NEMP2: variants seen among roughly 807,000 people sequenced by gnomAD.
NEMP2 encodes the protein UPF0571 transmembrane protein.
Under a neutral mutation model 54.2 loss-of-function variants are expected in NEMP2, and 53 were observed. That is an observed-to-expected ratio of 0.98 (90% CI 0.78 to 1.23). The LOEUF (loss-of-function observed/expected upper bound fraction) is 1.23, where lower values mean the gene tolerates loss of function less well. Among genes scored for constraint, NEMP2 ranks in the 50% most tolerant of loss-of-function variants. NEMP2 has a pLI of 0.00. For missense variants in NEMP2, 455 were observed against 511.3 expected (o/e 0.89, Z 1.06); for synonymous variants, 197 against 190.3 (o/e 1.04, Z -0.29).
intron 1 of NEMP2, chr2:190,534,051 G>T (rs1691261816): frequency 1.1e-6 from 1 of 872,624 alleles, no homozygotes; most frequent in Non-Finnish European, 1.3e-6. Context: ...CTCGCTCAAG[G>T]TCACAACAGT....
chr2:190,473,916 C>T, the NEMP2 span, among the ~76,000 whole-genome samples: 1 of 152,150 alleles, frequency 6.6e-6, no homozygotes, highest in Admixed American at 6.5e-5. Flanking sequence ...GAAACTCACT[C>T]AAAACTGCTC....
chr2:190,499,716 A>G, downstream of NEMP2: 1 of 1,140,988 alleles, frequency 8.8e-7, no homozygotes, highest in Admixed American at 2.5e-5. The surrounding 1 kb of genome is among the most constrained non-coding windows in gnomAD (Gnocchi z 6.0). Flanking sequence ...GGCTCAGTAA[A>G]TATTTGCTGA....
At chr2:190,446,443 C>T in the NEMP2 span, among the ~76,000 whole-genome samples, 2 of 152,184 alleles carry the variant, frequency 1.3e-5, no homozygotes, top group Non-Finnish European at 2.9e-5. Context: ...ACTGCTACAG[C>T]TCCCTAGCTT....
chr2:190,462,730 C>T, the NEMP2 span, among the ~76,000 whole-genome samples: 2 of 152,166 alleles, frequency 1.3e-5, no homozygotes, highest in East Asian at 1.9e-4. The surrounding 1 kb of genome is among the most constrained non-coding windows in gnomAD (Gnocchi z 5.7). Context: ...CAGTGGGACT[C>T]TCAAAATCAG....
chr2:190,593,966 C>T, the NEMP2 span, among the ~76,000 whole-genome samples: 1 of 152,206 alleles, frequency 6.6e-6, no homozygotes, highest in Non-Finnish European at 1.5e-5. The surrounding 1 kb of genome is among the most constrained non-coding windows in gnomAD (Gnocchi z 4.5). Context: ...AACTAGGCAA[C>T]ATCACTTCTC....
the NEMP2 span, among the ~76,000 whole-genome samples, chr2:190,450,283 GGAA>G: frequency 1.3e-5 from 2 of 152,130 alleles, no homozygotes; most frequent in East Asian, 3.9e-4. Context: ...AGGATAGTCT[GGAA>G]GAGTGGATAA....
the NEMP2 span, among the ~76,000 whole-genome samples, chr2:190,614,428 A>T: frequency 6.6e-6 from 1 of 152,238 alleles, no homozygotes; most frequent in Non-Finnish European, 1.5e-5. This position sits in a 1 kb window ranked among gnomAD's most constrained non-coding sequence, Gnocchi z 5.7. Flanking sequence ...ACAAGATCCT[A>T]GGAGAGAAAT....
At chr2:190,429,037 T>C in the NEMP2 span, among the ~76,000 whole-genome samples, 2 of 152,124 alleles carry the variant, frequency 1.3e-5, no homozygotes, top group African/African-American at 2.4e-5. Flanking sequence ...TTTTAATGCT[T>C]TCACTGGCGA....
chr2:190,562,057 G>A, the NEMP2 span, among the ~76,000 whole-genome samples: 49 of 152,268 alleles, frequency 3.2e-4, 1 homozygote, highest in Admixed American at 5.9e-4. The surrounding 1 kb of genome is among the most constrained non-coding windows in gnomAD (Gnocchi z 5.0). Flanking sequence ...AAAGGACTTT[G>A]GTAAAAAGGA....
At chr2:190,539,423 G>T (rs1691476800), upstream of NEMP2, among the ~76,000 whole-genome samples, 1 of 151,990 alleles carries the variant, frequency 6.6e-6, no homozygotes, top group African/African-American at 2.4e-5. This position sits in a 1 kb window ranked among gnomAD's most constrained non-coding sequence, Gnocchi z 4.1. Flanking sequence ...GATTGCTCTG[G>T]CTATTTTGAA....
At position 190,521,889 on chromosome 2, in the gene NEMP2, T is replaced by A. The variant is rs1267434269; in HGVS notation, c.214-2706A>T. On this transcript the variant is annotated intron_variant, in intron 2 of 8. Coordinates refer to ENST00000409150, the MANE Select transcript of NEMP2 (RefSeq NM_001142645.2). The surrounding 1 kb of genome is among the most constrained non-coding windows in gnomAD (Gnocchi z 6.2). ...TGCTCCTTCCTTCTCCCTGAACTCT[T>A]AATATAAGACTGACCCAGGCTTAGC... 6.6e-6 allele frequency among the ~76,000 whole-genome samples: 1 copy of A among 152,140 alleles called. No homozygotes were observed. Among genetic ancestry groups the A allele is most frequent in the African/African-American group, 2.4e-5 (1 of 41,422 alleles).
the NEMP2 span, among the ~76,000 whole-genome samples, chr2:190,605,521 C>A: frequency 6.6e-6 from 1 of 151,934 alleles, no homozygotes; most frequent in Non-Finnish European, 1.5e-5. Context: ...ACTACAGGCC[C>A]CCACCACCAC....
chr2:190,549,905 C>T, the NEMP2 span, among the ~76,000 whole-genome samples: 4 of 152,168 alleles, frequency 2.6e-5, no homozygotes, highest in Non-Finnish European at 5.9e-5. Context: ...TTGGTTCTAC[C>T]TGGTTGGTTA....
the NEMP2 span, among the ~76,000 whole-genome samples, chr2:190,606,410 G>GAA: frequency 2.0e-5 from 3 of 152,142 alleles, no homozygotes; most frequent in African/African-American, 7.2e-5. Context: ...TCCTAAGGTT[G>GAA]CTGTGAAAGT....
chr2:190,518,825 A>C lies in NEMP2; in HGVS notation c.446-17T>G, dbSNP rs777908695. On this transcript the variant is annotated splice_polypyrimidine_tract_variant and intron_variant, in intron 3 of 8. Coordinates refer to ENST00000409150, the MANE Select transcript of NEMP2 (RefSeq NM_001142645.2). ...AATCCATGACTGGAGTAAAAAAGAC[A>C]CACAAACACATAACAAAGATTTTTT... 4.6e-6 allele frequency: 7 copies of C among 1,534,124 alleles called. No homozygotes were observed. The African/African-American group carries it at 7.0e-5, about 15-fold the overall frequency.
chr2:190,488,485 C>T, the NEMP2 span, among the ~76,000 whole-genome samples: 1 of 152,186 alleles, frequency 6.6e-6, no homozygotes, highest in Non-Finnish European at 1.5e-5. The surrounding 1 kb of genome is among the most constrained non-coding windows in gnomAD (Gnocchi z 6.4). Context: ...TGTGAGTGTA[C>T]TCAGTGCCAC....
chr2:190,437,989 C>A, the NEMP2 span, among the ~76,000 whole-genome samples: 1 of 151,772 alleles, frequency 6.6e-6, no homozygotes, highest in Non-Finnish European at 1.5e-5. The surrounding 1 kb of genome is among the most constrained non-coding windows in gnomAD (Gnocchi z 5.9). Context: ...CACTTGCTGA[C>A]ATAGATAGAG....
At chr2:190,600,151 T>TACA in the NEMP2 span, among the ~76,000 whole-genome samples, 1 of 152,180 alleles carries the variant, frequency 6.6e-6, no homozygotes, top group African/African-American at 2.4e-5. This position sits in a 1 kb window ranked among gnomAD's most constrained non-coding sequence, Gnocchi z 4.9. Context: ...CTTGCCATCT[T>TACA]AGCAGTGGTA....
At chr2:190,573,719 G>T in the NEMP2 span, among the ~76,000 whole-genome samples, 1 of 152,172 alleles carries the variant, frequency 6.6e-6, no homozygotes, top group Non-Finnish European at 1.5e-5. Context: ...ACTGCTGCAG[G>T]TTTTCTCAAG....
Sources: gnomAD v4.1 joint callset for allele counts (sites outside exome capture counted in the v4.1 genomes callset) on GRCh38, gnomAD v4.1.1 for gene constraint, Gnocchi (gnomAD v3.1) non-coding constraint, MANE v1.5 for transcripts, NCBI Gene and HGNC (gene_info 2026-07-23, HGNC 2026-07-21) for gene names.